CDH4: variants seen among roughly 807,000 people sequenced by gnomAD.
The protein encoded by CDH4 is cadherin 4, also known as cadherin-4.
A neutral mutation model predicts 86.0 loss-of-function variants in CDH4; 33 were observed. The ratio of observed to expected loss-of-function variants is 0.38; its 90% CI spans 0.29 to 0.51. CDH4 has a LOEUF of 0.51. Among genes scored for constraint, CDH4 ranks in the 20% least tolerant of loss-of-function variants. CDH4 has a pLI of 0.86. For synonymous variants in CDH4, 555 were observed against 549.4 expected (o/e 1.01, Z -0.14); for missense variants, 1,114 against 1,307.4 (o/e 0.85, Z 2.28).
intron 7 of CDH4, among the ~76,000 whole-genome samples, chr20:61,882,260 C>T (rs909297703): frequency 3.9e-5 from 6 of 152,378 alleles, no homozygotes; most frequent in East Asian, 3.9e-4. Context: ...GGCGGTGCCA[C>T]GCTCCAGGAT....
At chr20:61,320,452 G>C (rs1414904193) in intron 2 of CDH4, among the ~76,000 whole-genome samples, 3 of 151,992 alleles carry the variant, frequency 2.0e-5, no homozygotes, top group Non-Finnish European at 2.9e-5. Flanking sequence ...GTGGGGTTGG[G>C]TTGGCCTCCA....
intron 1 of CDH4, among the ~76,000 whole-genome samples, 158 bp from the exon 2 acceptor site, chr20:61,254,668 A>G (rs2084087700): frequency 6.6e-6 from 1 of 152,220 alleles, no homozygotes; most frequent in African/African-American, 2.4e-5. Context: ...CCCAGAGAGC[A>G]GAGGAGCAGA....
At chr20:61,856,236 C>G (rs1982997427) in intron 6 of CDH4, among the ~76,000 whole-genome samples, 1 of 152,178 alleles carries the variant, frequency 6.6e-6, no homozygotes, top group African/African-American at 2.4e-5. Context: ...GATGCGTGTT[C>G]TAATGGAAAA....
chr20:61,935,414 G>T (rs573606127), intron 15 of CDH4, among the ~76,000 whole-genome samples: 2 of 152,256 alleles, frequency 1.3e-5, no homozygotes, highest in South Asian at 4.1e-4. Context: ...TAATAAAAAC[G>T]TAAAGATCCC....
At chr20:61,419,493 T>C (rs1401470670) in intron 2 of CDH4, among the ~76,000 whole-genome samples, 1 of 152,176 alleles carries the variant, frequency 6.6e-6, no homozygotes, top group Non-Finnish European at 1.5e-5. Context: ...AAACTCTACA[T>C]CCTGGGGTAG....
chr20:61,631,959 G>A (rs990096453), intron 2 of CDH4, among the ~76,000 whole-genome samples: 4 of 152,248 alleles, frequency 2.6e-5, no homozygotes, highest in Admixed American at 2.0e-4. Context: ...GTGGAGCCAC[G>A]CAGGTTATTT....
intron 2 of CDH4, among the ~76,000 whole-genome samples, chr20:61,258,852 T>C (rs1235557721): frequency 6.6e-6 from 1 of 152,258 alleles, no homozygotes; most frequent in Non-Finnish European, 1.5e-5. Flanking sequence ...TAGCACCATC[T>C]GCATTTCTTC....
At chr20:61,345,307 A>G (rs2084672308) in intron 2 of CDH4, among the ~76,000 whole-genome samples, 1 of 152,238 alleles carries the variant, frequency 6.6e-6, no homozygotes, top group Non-Finnish European at 1.5e-5. Context: ...CTCACCTGGA[A>G]TAGTTTTAAA....
intron 7 of CDH4, among the ~76,000 whole-genome samples, chr20:61,877,842 C>A (rs768276516): frequency 3.3e-5 from 5 of 152,176 alleles, no homozygotes; most frequent in Non-Finnish European, 7.4e-5. Flanking sequence ...GGTCATGGGG[C>A]TGGACTTTGG....
intron 2 of CDH4, among the ~76,000 whole-genome samples, chr20:61,367,059 A>C (rs28547292): frequency 5.3e-5 from 8 of 152,016 alleles, no homozygotes; most frequent in Non-Finnish European, 8.8e-5. Context: ...ACAGAGAGCC[A>C]TGCCGGGACT....
chr20:61,263,947 C>T (rs2084141789), intron 2 of CDH4, among the ~76,000 whole-genome samples: 1 of 152,128 alleles, frequency 6.6e-6, no homozygotes, highest in Non-Finnish European at 1.5e-5. Context: ...CCTCTCTCTA[C>T]ATCCTTCTCT....
chr20:61,691,622 A>G (rs150890874), intron 2 of CDH4, among the ~76,000 whole-genome samples: 8 of 152,256 alleles, frequency 5.3e-5, no homozygotes, highest in African/African-American at 1.9e-4. Context: ...TACATGGTCC[A>G]GCCTTCTGCA....
intron 2 of CDH4, among the ~76,000 whole-genome samples, chr20:61,318,578 C>T (rs980177322): frequency 3.3e-5 from 5 of 152,056 alleles, no homozygotes; most frequent in Non-Finnish European, 5.9e-5. Context: ...GGCATGCGCT[C>T]TAGAAGGGCA....
intron 2 of CDH4, among the ~76,000 whole-genome samples, chr20:61,489,469 ATGG>A (rs987999638): frequency 2.6e-5 from 4 of 152,236 alleles, no homozygotes; most frequent in African/African-American, 9.6e-5. Context: ...CCTGCTTTTA[ATGG>A]CCAAACCAAA....
At chr20:61,468,630 A>T (rs1055325292) in intron 2 of CDH4, among the ~76,000 whole-genome samples, 1 of 152,174 alleles carries the variant, frequency 6.6e-6, no homozygotes, top group African/African-American at 2.4e-5. Context: ...GCTATGAAAT[A>T]GTAGGTCTTA....
chr20:61,739,615 A>G (rs950130579), intron 2 of CDH4, among the ~76,000 whole-genome samples: 6 of 152,246 alleles, frequency 3.9e-5, no homozygotes, highest in Non-Finnish European at 5.9e-5. Context: ...TCCAGTCTGC[A>G]GAGTCCAGAG....
intron 7 of CDH4, among the ~76,000 whole-genome samples, chr20:61,883,426 G>A (rs865821398): frequency 2.0e-5 from 3 of 152,166 alleles, no homozygotes; most frequent in Non-Finnish European, 4.4e-5. Context: ...TCGGTGGGGG[G>A]CACCACCAGC....
chr20:61,331,649 C>T (rs1283488021), intron 2 of CDH4, among the ~76,000 whole-genome samples: 1 of 3,278 alleles, frequency 3.1e-4, no homozygotes, highest in Non-Finnish European at 6.7e-4. Flanking sequence ...CCACCTCCCG[C>T]CCCAGCCACC....
rs145070159 is a variant in CDH4 at position 61,704,898 on chromosome 20, C to T, written c.170-38665C>T. Reference sequence around the variant, plus strand: ...GATACTGCCAAGTGTCTCCTAGGGCCAAATGCACCCAGATTCCAGAACCAG... The same window carrying T: ...GATACTGCCAAGTGTCTCCTAGGGCTAAATGCACCCAGATTCCAGAACCAG... On this transcript the variant is annotated intron_variant, in intron 2 of 15. Transcript: ENST00000614565. Among the ~76,000 whole-genome samples, 238 of 152,272 alleles carry T rather than the reference C, an allele frequency of 1.6e-3. 2 individuals carry two copies. The highest frequency in any genetic ancestry group is 5.5e-3 in the African/African-American group (228 of 41,548).
Sources: gnomAD v4.1 joint callset for allele counts (sites outside exome capture counted in the v4.1 genomes callset) on GRCh38, gnomAD v4.1.1 for gene constraint, MANE v1.5 for transcripts, NCBI Gene and HGNC (gene_info 2026-07-23, HGNC 2026-07-21) for gene names.